The following KIAA1328 variants were observed in gnomAD, a reference collection of about 807,000 sequenced individuals.
The protein encoded by KIAA1328 is protein hinderin.
In KIAA1328, 52 loss-of-function variants were observed where a neutral mutation model predicts 68.1. The ratio of observed to expected loss-of-function variants is 0.76; its 90% CI spans 0.61 to 0.96. The LOEUF is 0.96. Ranked by LOEUF, KIAA1328 falls within the 40% of genes least tolerant of loss-of-function variation. KIAA1328 has a pLI of 0.00. For synonymous variants in KIAA1328, 232 were observed against 239.4 expected (o/e 0.97, Z 0.28); for missense variants, 641 against 677.6 (o/e 0.95, Z 0.60).
intron 6 of KIAA1328, among the ~76,000 whole-genome samples, chr18:36,961,006 AAC>A: frequency 6.6e-6 from 1 of 152,310 alleles, no homozygotes; most frequent in South Asian, 2.1e-4. Context: ...GGTTGATAAT[AAC>A]ACACTTCTCT....
At chr18:36,932,717 A>G (rs2050357221) in intron 5 of KIAA1328, among the ~76,000 whole-genome samples, 1 of 152,220 alleles carries the variant, frequency 6.6e-6, no homozygotes, top group African/African-American at 2.4e-5. Context: ...ACTATTCAGG[A>G]TCAATTTTCC....
chr18:36,961,789 C>A (rs2051686366), intron 6 of KIAA1328, among the ~76,000 whole-genome samples: 1 of 152,174 alleles, frequency 6.6e-6, no homozygotes, highest in Admixed American at 6.5e-5. Context: ...ACCACCAGGC[C>A]TGCCTTACAA....
intron 7 of KIAA1328, among the ~76,000 whole-genome samples, chr18:37,074,157 A>G (rs562796367): frequency 4.6e-5 from 7 of 152,308 alleles, no homozygotes; most frequent in Non-Finnish European, 7.3e-5. Context: ...TTTTGTCGAT[A>G]TAGACTGCTC....
intron 7 of KIAA1328, among the ~76,000 whole-genome samples, chr18:37,139,962 G>C (rs1224215626): frequency 1.3e-5 from 2 of 152,118 alleles, no homozygotes; most frequent in Non-Finnish European, 2.9e-5. Context: ...GTTAATTCAT[G>C]CATACTAAAA....
chr18:36,958,198 T>A (rs1158140671), intron 5 of KIAA1328, among the ~76,000 whole-genome samples: 1 of 152,182 alleles, frequency 6.6e-6, no homozygotes, highest in Non-Finnish European at 1.5e-5. Flanking sequence ...TGTTTCTTTA[T>A]CAGTGGACAT....
At chr18:37,129,305 A>G (rs1048078649) in intron 7 of KIAA1328, among the ~76,000 whole-genome samples, 10 of 151,388 alleles carry the variant, frequency 6.6e-5, no homozygotes, top group Non-Finnish European at 1.3e-4. Flanking sequence ...TTTCCAGTGG[A>G]AAAAAAAACC....
chr18:37,193,021 T>C (rs1368123086), intron 9 of KIAA1328, among the ~76,000 whole-genome samples: 2 of 152,148 alleles, frequency 1.3e-5, no homozygotes, highest in African/African-American at 4.8e-5. Flanking sequence ...TATCAAAATC[T>C]CTGAGATCAA....
intron 6 of KIAA1328, among the ~76,000 whole-genome samples, chr18:37,006,031 G>A (rs961355147): frequency 1.3e-5 from 2 of 151,982 alleles, no homozygotes; most frequent in Non-Finnish European, 2.9e-5. Context: ...TTCAGTGTTT[G>A]AGAGCAGAGT....
chr18:37,160,379 G>A lies in KIAA1328; in HGVS notation c.1412G>A (p.Arg471Lys). Residue 471 changes from arginine to lysine, a missense_variant and splice_region_variant, in exon 8 of 10, where the codon AGA (arginine) becomes AAA (lysine). By Grantham distance (26) the Arg-to-Lys change is conservative. Coordinates refer to ENST00000280020, the MANE Select transcript of KIAA1328 (RefSeq NM_020776.3). ...CQKKDTCRPQ[R>K]GTVTGVRKDA... ...AAGAAAGATACATGTAGACCCCAAA[G>A]AGGTAAGTTTAACAACTGTAGTGGC... 6.2e-7 allele frequency: 1 copy of A among 1,611,374 alleles called. No individual in the cohort carries two copies. The highest frequency in any genetic ancestry group is 1.1e-5 in the South Asian group (1 of 90,510).
intron 7 of KIAA1328, among the ~76,000 whole-genome samples, chr18:37,082,166 A>ATTTTTT (rs34106395): frequency 1.4e-4 from 14 of 100,430 alleles, no homozygotes; most frequent in African/African-American, 3.4e-4. Context: ...TGCCCCAAGG[A>ATTTTTT]TTTTTTTTTT....
rs376536002 is a variant in KIAA1328, at chr18:37,135,774, G to A, written c.1233-24426G>A. ...ATTTCCCAAGGCCGATGTCCAGAAT[G>A]ATATTTCCTAGGTTTTCTTCTAAGA... On this transcript the variant is annotated intron_variant, in intron 7 of 9. Coordinates refer to ENST00000280020, the MANE Select transcript of KIAA1328 (RefSeq NM_020776.3). Among the ~76,000 whole-genome samples the A allele has an allele frequency of 2.6e-5, 4 of 152,238 alleles. No individual in the cohort carries two copies. In the East Asian group the frequency reaches 7.7e-4, roughly 29 times the overall value.
intron 6 of KIAA1328, among the ~76,000 whole-genome samples, chr18:36,964,369 G>A (rs1167541703): frequency 6.6e-6 from 1 of 152,112 alleles, no homozygotes; most frequent in African/African-American, 2.4e-5. Flanking sequence ...GATGACGATG[G>A]CAGCAGATTG....
chr18:37,215,597 G>T (rs559125339), intron 9 of KIAA1328, among the ~76,000 whole-genome samples: 32 of 152,280 alleles, frequency 2.1e-4, no homozygotes, highest in Admixed American at 3.3e-4. Flanking sequence ...AGGGATATTG[G>T]TCTAAAATTC....
At chr18:36,921,766 C>G (rs1235310474) in intron 5 of KIAA1328, among the ~76,000 whole-genome samples, 1 of 152,146 alleles carries the variant, frequency 6.6e-6, no homozygotes, top group Non-Finnish European at 1.5e-5. Flanking sequence ...GTGGTTCATT[C>G]TCTTCACTAT....
intron 6 of KIAA1328, among the ~76,000 whole-genome samples, chr18:37,032,468 T>C (rs2054868443): frequency 6.6e-6 from 1 of 152,118 alleles, no homozygotes; most frequent in Non-Finnish European, 1.5e-5. Context: ...TACCTGGAGA[T>C]AGATGTTTGT....
chr18:36,982,277 G>A (rs2052725598), intron 6 of KIAA1328, among the ~76,000 whole-genome samples: 1 of 150,446 alleles, frequency 6.6e-6, no homozygotes, highest in Non-Finnish European at 1.5e-5. Context: ...ATGGATTGAA[G>A]TACCTCAGTG....
At chr18:37,052,439 G>A (rs2055736549) in intron 6 of KIAA1328, among the ~76,000 whole-genome samples, 1 of 152,090 alleles carries the variant, frequency 6.6e-6, no homozygotes, top group Non-Finnish European at 1.5e-5. Context: ...AACAAGACAA[G>A]TATGTTCACC....
chr18:36,862,903 A>G (rs1568091238), intron 4 of KIAA1328, among the ~76,000 whole-genome samples: 1 of 152,074 alleles, frequency 6.6e-6, no homozygotes, highest in Non-Finnish European at 1.5e-5. Context: ...GCATTTCTCT[A>G]ATGGGCAGTG....
intron 6 of KIAA1328, among the ~76,000 whole-genome samples, chr18:36,975,415 C>T (rs959614149): frequency 5.3e-5 from 8 of 152,172 alleles, no homozygotes; most frequent in Admixed American, 3.3e-4. Context: ...ATCTCCTGAC[C>T]TCGTGATCCG....
Sources: allele counts gnomAD v4.1 joint callset (sites outside exome capture counted in the v4.1 genomes callset), GRCh38; gene constraint gnomAD v4.1.1; transcripts MANE v1.5; gene names NCBI Gene and HGNC (gene_info 2026-07-23, HGNC 2026-07-21).